Variants in COL8A1 observed in about 807,000 individuals in gnomAD.
COL8A1 encodes the protein collagen alpha-1(VIII) chain.
COL8A1 carries 21 observed loss-of-function variants against 42.7 expected under a neutral mutation model. The ratio of observed to expected loss-of-function variants is 0.49; its 90% CI spans 0.35 to 0.71. The LOEUF (loss-of-function observed/expected upper bound fraction) is 0.71, where lower values mean the gene tolerates loss of function less well. Ranked by LOEUF, COL8A1 falls within the 30% of genes least tolerant of loss-of-function variation. The pLI is 0.01. For synonymous variants in COL8A1, 367 were observed against 369.1 expected (o/e 0.99, Z 0.06); for missense variants, 788 against 962.4 (o/e 0.82, Z 2.40).
At chr3:99,748,231 G>A (rs1049848837) in intron 2 of COL8A1, among the ~76,000 whole-genome samples, 2 of 152,134 alleles carry the variant, frequency 1.3e-5, no homozygotes, top group African/African-American at 4.8e-5. Context: ...CCACCCTCTG[G>A]CACCTCCAAT....
intron 2 of COL8A1, among the ~76,000 whole-genome samples, chr3:99,764,834 G>A (rs971942164): frequency 6.6e-6 from 1 of 151,214 alleles, no homozygotes; most frequent in East Asian, 2.0e-4. Context: ...ACCAATATAG[G>A]TGCTTAAATC....
chr3:99,738,055 G>A (rs1305348260), intron 1 of COL8A1, among the ~76,000 whole-genome samples: 2 of 151,836 alleles, frequency 1.3e-5, no homozygotes, highest in Admixed American at 6.6e-5. Flanking sequence ...TGTAGTTCTC[G>A]AGCCTTGGTT....
At chr3:99,664,770 A>G (rs1339034225) in intron 1 of COL8A1, among the ~76,000 whole-genome samples, 2 of 152,210 alleles carry the variant, frequency 1.3e-5, no homozygotes, top group African/African-American at 4.8e-5. Context: ...CATCGACTGA[A>G]GAATCTTAAT....
chr3:99,693,985 G>A (rs893872113), intron 1 of COL8A1, among the ~76,000 whole-genome samples: 1 of 152,140 alleles, frequency 6.6e-6, no homozygotes, highest in African/African-American at 2.4e-5. Context: ...TGTTACAATT[G>A]CCAACAGTAT....
Position 99,795,757 on chromosome 3 carries a change from C to A in COL8A1, c.1856C>A (p.Thr619Asn), listed in dbSNP as rs371441680. 12 of 1,614,010 alleles carry A rather than the reference C, an allele frequency of 7.4e-6. No individual in the cohort carries two copies. Among genetic ancestry groups the A allele is most frequent in the Non-Finnish European group, 1.0e-5 (12 of 1,180,018 alleles). ...CCAGCCTATGAGATGCCTGCATTTA[C>A]CGCCGAGCTAACCGCACCTTTCCCA... is the stretch of plus-strand genomic sequence containing the variant. Reference protein sequence around the residue: ...GGPAYEMPAFTAELTAPFPPV... With the variant: ...GGPAYEMPAFNAELTAPFPPV... Residue 619 changes from threonine (T) to asparagine (N), a missense_variant, in exon 4 of 4, where the codon ACC becomes AAC. Thr to Asn is a moderately conservative substitution (Grantham distance 65). Coordinates refer to ENST00000652472, the MANE Select transcript of COL8A1 (RefSeq NM_020351.4).
chr3:99,693,927 C>T (rs1939293298), intron 1 of COL8A1, among the ~76,000 whole-genome samples: 3 of 152,012 alleles, frequency 2.0e-5, no homozygotes, highest in Admixed American at 6.5e-5. Context: ...ACTTTTATAC[C>T]GTATTTTTAC....
At chr3:99,642,293 G>A (rs1263609061) in intron 1 of COL8A1, among the ~76,000 whole-genome samples, 1 of 152,114 alleles carries the variant, frequency 6.6e-6, no homozygotes. Context: ...TCCTCAAGCA[G>A]ATTTGCAGGA....
At chr3:99,667,585 G>A (rs1460639790) in intron 1 of COL8A1, among the ~76,000 whole-genome samples, 1 of 152,118 alleles carries the variant, frequency 6.6e-6, no homozygotes, top group Non-Finnish European at 1.5e-5. Flanking sequence ...ACTTTAGAGT[G>A]AATTTGATCA....
In COL8A1 at chr3:99,791,025, CCAGGCTGTTATAAAACAA is replaced by C; in HGVS notation, c.328+19_328+36del. 1 of 1,589,712 alleles carries C rather than the reference CCAGGCTGTTATAAAACAA, an allele frequency of 6.3e-7. No individual in the cohort carries two copies. The highest frequency in any genetic ancestry group is 1.1e-5 in the South Asian group (1 of 89,124). On this transcript the variant is annotated intron_variant, in intron 3 of 3. Transcript: ENST00000652472. ...GAAAGGCAAAGGTAACATCATACTC[CCAGGCTGTTATAAAACAA>C]CAGCTTTCCAAATCTCTAAATTATG...
At chr3:99,725,148 T>C (rs1342931789) in intron 1 of COL8A1, among the ~76,000 whole-genome samples, 5 of 152,016 alleles carry the variant, frequency 3.3e-5, no homozygotes, top group Admixed American at 2.0e-4. Flanking sequence ...TCTCTGGAAA[T>C]CAAATTTTAC....
At chr3:99,773,809 A>ATG (rs760430190) in intron 2 of COL8A1, among the ~76,000 whole-genome samples, 135 of 61,540 alleles carry the variant, frequency 2.2e-3, no homozygotes, top group Non-Finnish European at 2.7e-3. Context: ...GATTATATAT[A>ATG]TGTGTGTATA....
chr3:99,668,262 G>A (rs181543816), intron 1 of COL8A1, among the ~76,000 whole-genome samples: 24 of 152,088 alleles, frequency 1.6e-4, no homozygotes, highest in Admixed American at 3.9e-4. Flanking sequence ...TCAGGTTTTC[G>A]GTCCATTTAA....
In COL8A1 at chr3:99,677,205, A is replaced by G. The variant is rs572040377; in HGVS notation, c.-129+38541A>G. On this transcript the variant is annotated intron_variant, in intron 1 of 3. Coordinates refer to ENST00000652472, the MANE Select transcript of COL8A1 (RefSeq NM_020351.4). The stretch of plus-strand genomic sequence containing the variant: ...GTAAGCAAAGGAATTTAAAGAATGA[A>G]CATCAAGAAATGACTGTTTTAAGAG... Among the ~76,000 whole-genome samples, 4 of 152,194 alleles carry G rather than the reference A, an allele frequency of 2.6e-5. No homozygotes were observed. In the East Asian group the frequency reaches 5.8e-4, roughly 22 times the overall value.
intron 1 of COL8A1, among the ~76,000 whole-genome samples, chr3:99,731,380 T>C (rs952789667): frequency 1.3e-5 from 2 of 152,006 alleles, no homozygotes; most frequent in Non-Finnish European, 2.9e-5. Context: ...GCCCTATAAG[T>C]AAGGATCAGC....
intron 1 of COL8A1, among the ~76,000 whole-genome samples, chr3:99,662,692 A>C (rs1323934373): frequency 6.6e-6 from 1 of 152,168 alleles, no homozygotes; most frequent in Non-Finnish European, 1.5e-5. Context: ...ATAGGCCGGA[A>C]GGGTTAGTTT....
At chr3:99,667,043 A>C (rs531928292) in intron 1 of COL8A1, among the ~76,000 whole-genome samples, 10 of 152,134 alleles carry the variant, frequency 6.6e-5, no homozygotes, top group Non-Finnish European at 1.0e-4. Flanking sequence ...AATAATCTGC[A>C]TTTTGTACAT....
rs1942122166 is a variant in COL8A1, at chr3:99,797,178, G to A, written c.*1042G>A. 6.6e-6 allele frequency: 1 copy of A among 152,168 alleles called. No homozygotes were observed. Among genetic ancestry groups the A allele is most frequent in the African/African-American group, 2.4e-5 (1 of 41,440 alleles). 9.4% of individuals were successfully genotyped at this position (152,168 alleles called of 1,614,324 possible). A position where few individuals can be genotyped will look rare whatever the true frequency, so the allele number is the denominator to read the frequency against. ...ACAACCACAGTGTGGTTCTAATCATGGAGATATCAGTAATTTTTAGTAACT... is the reference window on the plus strand; with the variant it reads ...ACAACCACAGTGTGGTTCTAATCATAGAGATATCAGTAATTTTTAGTAACT... On this transcript the variant is annotated 3_prime_UTR_variant, in exon 4 of 4. Transcript: ENST00000652472.
At chr3:99,785,184 A>G (rs1039596994) in intron 2 of COL8A1, among the ~76,000 whole-genome samples, 1 of 152,212 alleles carries the variant, frequency 6.6e-6, no homozygotes, top group Non-Finnish European at 1.5e-5. Flanking sequence ...TGCTTTTTAA[A>G]TGTTCCCATC....
chr3:99,673,694 A>T (rs534288333), intron 1 of COL8A1, among the ~76,000 whole-genome samples: 1 of 152,134 alleles, frequency 6.6e-6, no homozygotes, highest in Non-Finnish European at 1.5e-5. Flanking sequence ...TTTCTTTTAG[A>T]ATATCATTTT....
Sources: allele counts gnomAD v4.1 joint callset (sites outside exome capture counted in the v4.1 genomes callset), GRCh38; gene constraint gnomAD v4.1.1; transcripts MANE v1.5; gene names NCBI Gene and HGNC (gene_info 2026-07-23, HGNC 2026-07-21).